RRBP1: variants seen among roughly 807,000 people sequenced by gnomAD.
RRBP1 encodes ribosome-binding protein 1.
In RRBP1, 94 loss-of-function variants were observed where a neutral mutation model predicts 165.2. The observed-to-expected ratio is 0.57, with a 90% CI of 0.48 to 0.68. The LOEUF is 0.68. Ranked by LOEUF, RRBP1 falls within the 30% of genes least tolerant of loss-of-function variation. The pLI is 0.00. For missense variants in RRBP1, 1,676 were observed against 1,763.0 expected (o/e 0.95, Z 0.88); for synonymous variants, 680 against 714.5 (o/e 0.95, Z 0.77).
At chr20:17,668,328 T>C (rs1420741902) in intron 2 of RRBP1, among the ~76,000 whole-genome samples, 1 of 152,222 alleles carries the variant, frequency 6.6e-6, no homozygotes, top group Non-Finnish European at 1.5e-5. Flanking sequence ...TCCTTCGTTA[T>C]TCGATTTGTT....
At chr20:17,626,959 G>A (rs1242887012) in intron 11 of RRBP1, among the ~76,000 whole-genome samples, 1 of 152,176 alleles carries the variant, frequency 6.6e-6, no homozygotes, top group Non-Finnish European at 1.5e-5. Context: ...GCCATTCTGG[G>A]TTGTGCAACC....
chr20:17,675,564 AGC>A (rs1355384532), intron 2 of RRBP1, among the ~76,000 whole-genome samples: 2 of 151,982 alleles, frequency 1.3e-5, no homozygotes, highest in Non-Finnish European at 2.9e-5. Context: ...GGGGTGGGAG[AGC>A]GTCAGAGGCT....
chr20:17,621,781 G>T lies in RRBP1; in HGVS notation c.3241-8C>A. 1 of 1,613,942 alleles carries T rather than the reference G, an allele frequency of 6.2e-7. No individual in the cohort carries two copies. Among genetic ancestry groups the T allele is most frequent in the Non-Finnish European group, 8.5e-7 (1 of 1,179,974 alleles). Reference sequence around the variant, plus strand: ...CAGCCACTCGGTGTAATTCTGCAATGAAACACATTCGGTGAGACCCGGGGA... The same window carrying T: ...CAGCCACTCGGTGTAATTCTGCAATTAAACACATTCGGTGAGACCCGGGGA... On this transcript the variant is annotated splice_polypyrimidine_tract_variant and splice_region_variant and intron_variant, in intron 14 of 24. Transcript: ENST00000377813.
chr20:17,648,293 T>C (rs190267467), intron 3 of RRBP1, among the ~76,000 whole-genome samples: 73 of 152,352 alleles, frequency 4.8e-4, no homozygotes, highest in African/African-American at 1.5e-3. Flanking sequence ...TATGAGACCC[T>C]GGAGGAAATG....
chr20:17,627,840 C>T (rs1232520276), intron 9 of RRBP1, among the ~76,000 whole-genome samples, 158 bp from the exon 10 acceptor site: 1 of 152,202 alleles, frequency 6.6e-6, no homozygotes, highest in Non-Finnish European at 1.5e-5. Context: ...CTACTGACCA[C>T]TGGGGCCTCT....
At chr20:17,619,392 A>G in intron 19 of RRBP1, 1 of 423,754 alleles carries the variant, frequency 2.4e-6, no homozygotes, top group South Asian at 6.8e-5. Context: ...CCCTCGGGGC[A>G]GGGCTGCCTG....
In RRBP1 at chr20:17,665,590, GTTTA is replaced by G. The variant is rs1472377442; in HGVS notation, c.-21-5066_-21-5063del. Among the ~76,000 whole-genome samples, 6 of 152,120 alleles carry G rather than the reference GTTTA, an allele frequency of 3.9e-5. No homozygotes were observed. The East Asian group carries it at 1.2e-3, about 29-fold the overall frequency. On this transcript the variant is annotated intron_variant, in intron 2 of 24. Coordinates refer to ENST00000377813, the MANE Select transcript of RRBP1 (RefSeq NM_001365613.2). ...GTTTCACCATATTGGCCAGGCTGGG[GTTTA>G]TTTATTTTCACTCCTATATTACATA...
chr20:17,663,325 A>G (rs1182528577), intron 2 of RRBP1, among the ~76,000 whole-genome samples: 1 of 152,262 alleles, frequency 6.6e-6, no homozygotes, highest in African/African-American at 2.4e-5. Flanking sequence ...TACTCAACAT[A>G]GGCAAACACA....
At chr20:17,620,558 GGACTGAGCTGTCATCC>G in intron 17 of RRBP1, 141 bp downstream of exon 17, 5 of 792,280 alleles carry the variant, frequency 6.3e-6, no homozygotes, top group Non-Finnish European at 1.1e-5. Flanking sequence ...CCTGGAGGAC[GGACTGAGCTGTCATCC>G]CGCAACTGTG....
Position 17,641,785 on chromosome 20 carries a change from C to G in RRBP1, c.2184+12G>C. 1 of 1,612,002 alleles carries G rather than the reference C, an allele frequency of 6.2e-7. No homozygotes were observed. The highest frequency in any genetic ancestry group is 8.5e-7 in the Non-Finnish European group (1 of 1,179,586). ...AGAGGACAAACCATCTCCGAGCCCACTCAGGCTGTACCTTGTTGAGCTCCC... is the reference window on the plus strand; with the variant it reads ...AGAGGACAAACCATCTCCGAGCCCAGTCAGGCTGTACCTTGTTGAGCTCCC... On this transcript the variant is annotated intron_variant, in intron 5 of 24. Coordinates refer to ENST00000377813, the MANE Select transcript of RRBP1 (RefSeq NM_001365613.2).
At chr20:17,681,550 A>ACCCGCAC (rs1555820119) in intron 1 of RRBP1, among the ~76,000 whole-genome samples, 96 of 145,312 alleles carry the variant, frequency 6.6e-4, no homozygotes, top group African/African-American at 2.2e-3. Context: ...TTCCGCCCGC[A>ACCCGCAC]CCCCACCCCT....
At chr20:17,634,457 A>G (rs2036210815) in intron 7 of RRBP1, among the ~76,000 whole-genome samples, 2 of 152,190 alleles carry the variant, frequency 1.3e-5, no homozygotes, top group African/African-American at 4.8e-5. Flanking sequence ...CATCAGCTCC[A>G]TGCTTCACAA....
At chr20:17,624,257 G>A (rs924220601) in intron 13 of RRBP1, among the ~76,000 whole-genome samples, 5 of 152,226 alleles carry the variant, frequency 3.3e-5, no homozygotes, top group Admixed American at 6.5e-5. Context: ...GGAGCTCTGA[G>A]GCCAAGGCCA....
intron 18 of RRBP1, among the ~76,000 whole-genome samples, chr20:17,620,092 G>A (rs1479230322): frequency 4.6e-5 from 7 of 152,150 alleles, no homozygotes; most frequent in African/African-American, 9.7e-5. Context: ...CACAGGGCCC[G>A]TGGCTGGGTC....
At chr20:17,642,012 T>G in intron 4 of RRBP1, 93 bp from the exon 5 acceptor site, 1 of 1,382,036 alleles carries the variant, frequency 7.2e-7, no homozygotes, top group South Asian at 1.3e-5. Context: ...GAGGGCTTGA[T>G]GAAGTGGAGC....
chr20:17,626,065 C>T (rs1445538180), intron 11 of RRBP1, among the ~76,000 whole-genome samples: 2 of 152,190 alleles, frequency 1.3e-5, no homozygotes, highest in East Asian at 1.9e-4. Context: ...AGCCACTGCC[C>T]GAATTCTAGA....
chr20:17,620,188 T>G, intron 18 of RRBP1, 111 bp downstream of exon 18: 1 of 813,344 alleles, frequency 1.2e-6, no homozygotes, highest in Non-Finnish European at 2.1e-6. Context: ...AATGCCTCTC[T>G]TAAGGCACAC....
At chr20:17,617,861 C>T (rs150646142) in intron 20 of RRBP1, among the ~76,000 whole-genome samples, 13 of 152,360 alleles carry the variant, frequency 8.5e-5, no homozygotes, top group African/African-American at 2.9e-4. Flanking sequence ...AAAAAAACAC[C>T]GCAGATCAAA....
chr20:17,619,249 T>C lies in RRBP1; in HGVS notation c.3675+384A>G, dbSNP rs563474674. ...GTTTGAGATTAAACCAGAATTGGGA[T>C]ACTGGGCTTGTGCTTCTGCTTCTGA... is the stretch of plus-strand genomic sequence containing the variant. On this transcript the variant is annotated intron_variant, in intron 19 of 24. Coordinates refer to ENST00000377813, the MANE Select transcript of RRBP1 (RefSeq NM_001365613.2). 351 of 196,470 alleles carry C rather than the reference T, an allele frequency of 1.8e-3. 1 individual carries two copies. The highest frequency in any genetic ancestry group is 3.0e-3 in the Non-Finnish European group (291 of 96,576). 12.2% of individuals were successfully genotyped at this position (196,470 alleles called of 1,614,324 possible). A position where few individuals can be genotyped will look rare whatever the true frequency, so the allele number is the denominator to read the frequency against.
Sources: allele counts gnomAD v4.1 joint callset (sites outside exome capture counted in the v4.1 genomes callset), GRCh38; gene constraint gnomAD v4.1.1; transcripts MANE v1.5; gene names NCBI Gene and HGNC (gene_info 2026-07-23, HGNC 2026-07-21).